LRRC4C: variants seen among roughly 807,000 people sequenced by gnomAD.
LRRC4C encodes the protein leucine-rich repeat-containing protein 4C.
Under a neutral mutation model 33.6 loss-of-function variants are expected in LRRC4C, and 5 were observed. That is an observed-to-expected ratio of 0.15 (90% CI 0.08 to 0.31). The LOEUF (loss-of-function observed/expected upper bound fraction) is 0.31. Ranked by LOEUF, LRRC4C falls within the 10% of genes least tolerant of loss-of-function variation. The pLI is 1.00. For synonymous variants in LRRC4C, 329 were observed against 302.0 expected, an observed-to-expected ratio of 1.09 and a Z score of -0.93; for missense variants, 560 against 796.7, an observed-to-expected ratio of 0.70 and a Z score of 3.58.
intron 3 of LRRC4C, among the ~76,000 whole-genome samples, chr11:40,552,893 A>G (rs531496170): frequency 7.2e-5 from 11 of 152,338 alleles, no homozygotes; most frequent in African/African-American, 2.4e-4. Context: ...AGATGTAATA[A>G]TCATTTTAGT....
intron 1 of LRRC4C, among the ~76,000 whole-genome samples, chr11:41,293,166 C>T (rs1950038871): frequency 6.6e-6 from 1 of 152,018 alleles, no homozygotes; most frequent in African/African-American, 2.4e-5. Context: ...TGATGTGATC[C>T]AAATGTTATT....
In LRRC4C at chr11:40,746,207, G is replaced by T. The variant is rs1948409738; in HGVS notation, c.-406-97929C>A. 2.0e-5 allele frequency among the ~76,000 whole-genome samples: 3 copies of T among 152,100 alleles called. No individual in the cohort carries two copies. In the South Asian group the frequency reaches 6.2e-4, roughly 32 times the overall value. ...GACTCATGAGAAGTCCTCAACCTTT[G>T]CAGGCCCTAAAACTAACACTAGGAG... is the stretch of plus-strand genomic sequence containing the variant. On this transcript the variant is annotated intron_variant, in intron 2 of 6. Coordinates refer to ENST00000528697, the MANE Select transcript of LRRC4C (RefSeq NM_001258419.2).
intron 2 of LRRC4C, among the ~76,000 whole-genome samples, chr11:40,745,522 G>A (rs1296548287): frequency 1.3e-5 from 2 of 152,130 alleles, no homozygotes; most frequent in Non-Finnish European, 2.9e-5. Context: ...AATAACGACT[G>A]AATTAGCATA....
At chr11:41,199,195 G>C (rs957836600) in intron 1 of LRRC4C, among the ~76,000 whole-genome samples, 1 of 152,044 alleles carries the variant, frequency 6.6e-6, no homozygotes, top group African/African-American at 2.4e-5. Context: ...GTAGTTCAAG[G>C]GGTGAGTATT....
intron 2 of LRRC4C, among the ~76,000 whole-genome samples, chr11:40,787,021 G>C (rs181912237): frequency 7.3e-4 from 111 of 152,176 alleles, no homozygotes; most frequent in Middle Eastern, 3.4e-3. Flanking sequence ...TGTCAGAAGA[G>C]CAGACAGGCA....
intron 5 of LRRC4C, among the ~76,000 whole-genome samples, chr11:40,200,180 TAAAAAAAAA>T (rs56269292): frequency 4.2e-4 from 11 of 26,046 alleles, no homozygotes; most frequent in Admixed American, 7.2e-4. Context: ...CTGTCTCCAC[TAAAAAAAAA>T]AAAAAAAAAA....
intron 1 of LRRC4C, among the ~76,000 whole-genome samples, chr11:41,427,645 T>G (rs1244800419): frequency 1.3e-5 from 2 of 152,128 alleles, no homozygotes; most frequent in African/African-American, 4.8e-5. Context: ...AGGTGCTGTT[T>G]AAATACATGA....
At chr11:40,710,783 C>A (rs147450170) in intron 2 of LRRC4C, among the ~76,000 whole-genome samples, 2,302 of 152,290 alleles carry the variant, frequency 0.015, 62 homozygotes, top group African/African-American at 0.051. Context: ...GCCTTTTGTT[C>A]AGCTATACCC....
intron 1 of LRRC4C, among the ~76,000 whole-genome samples, chr11:41,046,434 C>G (rs1486372784): frequency 6.6e-6 from 1 of 152,070 alleles, no homozygotes; most frequent in East Asian, 1.9e-4. Context: ...CACAGATGTG[C>G]TATGTGGCCA....
intron 3 of LRRC4C, among the ~76,000 whole-genome samples, chr11:40,602,193 CAAA>C (rs375091552): frequency 1.1e-5 from 1 of 93,828 alleles, no homozygotes. Context: ...GAATCTGTCT[CAAA>C]AAAAAAAAAA....
chr11:41,134,072 A>G (rs1943144645), intron 1 of LRRC4C, among the ~76,000 whole-genome samples: 1 of 152,138 alleles, frequency 6.6e-6, no homozygotes, highest in African/African-American at 2.4e-5. Flanking sequence ...ATATTGGCTC[A>G]GAATAAATTG....
intron 3 of LRRC4C, among the ~76,000 whole-genome samples, chr11:40,424,044 T>G (rs1049739756): frequency 1.2e-4 from 18 of 152,268 alleles, no homozygotes; most frequent in Admixed American, 1.2e-3. Flanking sequence ...GGGATAAAAT[T>G]GACTAGCAAG....
chr11:41,420,808 G>C (rs1240573367), intron 1 of LRRC4C, among the ~76,000 whole-genome samples: 1 of 151,848 alleles, frequency 6.6e-6, no homozygotes, highest in East Asian at 1.9e-4. Context: ...GTCACATTGA[G>C]GATTAACTAA....
intron 2 of LRRC4C, among the ~76,000 whole-genome samples, chr11:40,833,848 A>C (rs1952534351): frequency 6.6e-6 from 1 of 152,168 alleles, no homozygotes; most frequent in Non-Finnish European, 1.5e-5. Flanking sequence ...ATTTTAAAAA[A>C]CTGAGAACCG....
intron 2 of LRRC4C, among the ~76,000 whole-genome samples, chr11:40,817,617 C>T (rs1202339054): frequency 2.6e-5 from 4 of 152,140 alleles, no homozygotes; most frequent in African/African-American, 9.7e-5. Flanking sequence ...TTCTCCTGCT[C>T]TCTTTTCCTA....
intron 3 of LRRC4C, among the ~76,000 whole-genome samples, chr11:40,633,327 T>TTCTTTC (rs1448271479): frequency 1.3e-4 from 2 of 15,018 alleles, no homozygotes; most frequent in African/African-American, 3.8e-4. Flanking sequence ...AGTTTTCTTT[T>TTCTTTC]TCTTTCTTTC....
At chr11:41,141,464 A>G (rs1310770675) in intron 1 of LRRC4C, among the ~76,000 whole-genome samples, 3 of 152,160 alleles carry the variant, frequency 2.0e-5, no homozygotes, top group Admixed American at 2.0e-4. Context: ...AAATAACACC[A>G]ATTTTAATTT....
intron 6 of LRRC4C, among the ~76,000 whole-genome samples, chr11:40,122,249 T>A (rs11035696): frequency 0.068 from 10,309 of 152,278 alleles, 468 homozygotes; most frequent in Middle Eastern, 0.092. Flanking sequence ...TTCTTTTTTT[T>A]AAATTAAATT....
At chr11:40,955,083 G>A (rs1958898545) in intron 1 of LRRC4C, among the ~76,000 whole-genome samples, 1 of 151,826 alleles carries the variant, frequency 6.6e-6, no homozygotes, top group Non-Finnish European at 1.5e-5. Context: ...GGTAGAAAAT[G>A]GAACCAATTG....
Sources: allele counts gnomAD v4.1 joint callset (sites outside exome capture counted in the v4.1 genomes callset), GRCh38; gene constraint gnomAD v4.1.1; transcripts MANE v1.5; gene names NCBI Gene and HGNC (gene_info 2026-07-23, HGNC 2026-07-21).